Variants in SIGLEC5 observed in about 807,000 individuals in gnomAD.
The protein encoded by SIGLEC5 is sialic acid binding Ig like lectin 5, also known as sialic acid-binding Ig-like lectin 5.
In SIGLEC5, 34 loss-of-function variants were observed where a neutral mutation model predicts 45.9. The ratio of observed to expected loss-of-function variants is 0.74; its 90% CI spans 0.56 to 0.99. SIGLEC5 has a LOEUF of 0.99. Ranked by LOEUF, SIGLEC5 falls within the 50% of genes least tolerant of loss-of-function variation. SIGLEC5 has a pLI of 0.00. For synonymous variants in SIGLEC5, 203 were observed against 258.6 expected, an observed-to-expected ratio of 0.79 and a Z score of 2.06; for missense variants, 508 against 629.6, an observed-to-expected ratio of 0.81 and a Z score of 2.07.
intron 8 of SIGLEC5, among the ~76,000 whole-genome samples, chr19:51,616,292 A>G (rs1352037059): frequency 6.6e-6 from 1 of 152,262 alleles, no homozygotes; most frequent in Non-Finnish European, 1.5e-5. Context: ...TAAACTGAGC[A>G]TATTACATGC....
chr19:51,620,113 G>A (rs182611332), intron 8 of SIGLEC5, among the ~76,000 whole-genome samples: 158 of 151,578 alleles, frequency 1.0e-3, no homozygotes, highest in Non-Finnish European at 1.9e-3. Flanking sequence ...AATAAAGCTC[G>A]CTGAAGAATA....
intron 8 of SIGLEC5, among the ~76,000 whole-genome samples, chr19:51,616,929 A>AAC (rs1201541085): frequency 1.3e-5 from 2 of 148,228 alleles, no homozygotes; most frequent in Non-Finnish European, 3.0e-5. Context: ...CAAAAAAAAA[A>AAC]AACACTTGAA....
chr19:51,612,953 C>A (rs368088867), intron 8 of SIGLEC5, among the ~76,000 whole-genome samples: 1 of 152,158 alleles, frequency 6.6e-6, no homozygotes, highest in African/African-American at 2.4e-5. Flanking sequence ...CCTTTCCATT[C>A]GCCCTTCCAG....
At chr19:51,626,145 G>A in intron 7 of SIGLEC5, 32 bp from the exon 8 acceptor site, 1 of 1,575,560 alleles carries the variant, frequency 6.3e-7, no homozygotes, top group Non-Finnish European at 8.7e-7. Context: ...GTGCAGCTGG[G>A]ACCACCCAGG....
intron 8 of SIGLEC5, among the ~76,000 whole-genome samples, chr19:51,618,430 G>A (rs1983145578): frequency 8.9e-6 from 1 of 111,862 alleles, no homozygotes; most frequent in African/African-American, 3.2e-5. Flanking sequence ...GCATGAGTGA[G>A]TGAGACCCTG....
At position 51,627,879 on chromosome 19, in the gene SIGLEC5, G is replaced by A; in HGVS notation, c.952C>T (p.His318Tyr). Residue 318 changes from histidine (H) to tyrosine (Y), a missense_variant, in exon 5 of 9, where the codon CAC becomes TAC. Physicochemically the swap from His to Tyr is moderately conservative, Grantham distance 83. Around this residue, in one of 2 missense-constraint regions of SIGLEC5, gnomAD observed 431 missense variants for 428.8 expected, o/e 1.01. Transcript: ENST00000683636. ...EEGGFTCRAQ[H>Y]PLGFLQIFLN... ...AAAATTTGCAGGAAGCCCAGCGGGT[G>A]CTGAGCGCGGCAGGTGAAGCCTCCT... 2 of 1,612,558 alleles carry A rather than the reference G, an allele frequency of 1.2e-6. No individual in the cohort carries two copies. Among genetic ancestry groups the A allele is most frequent in the Non-Finnish European group, 1.7e-6 (2 of 1,179,318 alleles).
chr19:51,612,317 T>C lies in SIGLEC5; in HGVS notation c.1570A>G (p.Ser524Gly), dbSNP rs1982883302. 1.9e-6 allele frequency: 3 copies of C among 1,613,320 alleles called. No homozygotes were observed. The highest frequency in any genetic ancestry group is 2.5e-6 in the Non-Finnish European group (3 of 1,179,786). ...EQKELHYASL[S>G]FSEMKSREPK... The stretch of plus-strand genomic sequence containing the variant: ...TCCCTCGACTTCATCTCAGAAAAAC[T>C]AAGGGAGGCATAATGGAGCTCCTTT... Residue 524 changes from serine to glycine, a missense_variant, in exon 9 of 9, where the codon AGT becomes GGT. Coordinates refer to ENST00000683636, the MANE Select transcript of SIGLEC5 (RefSeq NM_003830.4).
At chr19:51,629,189 TG>T in intron 3 of SIGLEC5, 113 bp from the exon 4 acceptor site, 14 of 1,519,972 alleles carry the variant, frequency 9.2e-6, no homozygotes, top group Non-Finnish European at 1.3e-5. Flanking sequence ...AAGGCTGTCC[TG>T]TCTCACTCCC....
At chr19:51,618,717 A>C (rs906766363) in intron 8 of SIGLEC5, among the ~76,000 whole-genome samples, 14 of 132,814 alleles carry the variant, frequency 1.1e-4, no homozygotes, top group African/African-American at 3.4e-4. Flanking sequence ...GCTTGAACCC[A>C]GGAGGTGGAA....
chr19:51,618,261 A>G (rs1264110325), intron 8 of SIGLEC5, among the ~76,000 whole-genome samples: 1 of 152,012 alleles, frequency 6.6e-6, no homozygotes, highest in African/African-American at 2.4e-5. Context: ...TGGATTTTTT[A>G]AAACCTGGTT....
At chr19:51,625,363 A>G (rs1449806686) in intron 8 of SIGLEC5, among the ~76,000 whole-genome samples, 1 of 152,214 alleles carries the variant, frequency 6.6e-6, no homozygotes, top group Non-Finnish European at 1.5e-5. Context: ...GGAACAAACA[A>G]CAACAACATT....
intron 8 of SIGLEC5, among the ~76,000 whole-genome samples, chr19:51,615,902 G>A (rs35149098): frequency 0.051 from 7,828 of 152,194 alleles, 784 homozygotes; most frequent in East Asian, 0.48. Flanking sequence ...TCAGCCTCCC[G>A]AGTAGCTGGG....
In SIGLEC5 at chr19:51,627,536, C is replaced by A. The variant is rs757857236; in HGVS notation, c.1208G>T (p.Ser403Ile). The A allele has an allele frequency of 6.8e-6, 11 of 1,614,088 alleles. No individual in the cohort carries two copies. Among genetic ancestry groups the A allele is most frequent in the Non-Finnish European group, 9.3e-6 (11 of 1,180,016 alleles). The change falls in exon 6 of 9, where the codon AGC (serine) becomes ATC (isoleucine). Residue 403 changes from serine to isoleucine, a missense_variant. By Grantham distance (142) the Ser-to-Ile change is moderately radical. Transcript: ENST00000683636. ...NSSLILHGGL[S>I]SDLKVSCKAW... ...CTTGCAGCTGACTTTGAGGTCGGAGCTGAGCCCCCCGTGGAGGATCAGGGA... is the reference window on the plus strand; with the variant it reads ...CTTGCAGCTGACTTTGAGGTCGGAGATGAGCCCCCCGTGGAGGATCAGGGA...
rs780071296 is a variant in SIGLEC5, at chr19:51,627,761, G to A, written c.998-15C>T. On this transcript the variant is annotated splice_polypyrimidine_tract_variant and intron_variant, in intron 5 of 8. Coordinates refer to ENST00000683636, the MANE Select transcript of SIGLEC5 (RefSeq NM_003830.4). ...CTGTGGGAGGGCTGTGGGGAGGGAG[G>A]ACAGAACTCAGCAGGGGGCCTCTTC... 7 of 1,573,536 alleles carry A rather than the reference G, an allele frequency of 4.4e-6. No homozygotes were observed. In the African/African-American group the frequency reaches 5.4e-5, roughly 12 times the overall value.
At chr19:51,618,594 C>G (rs1297954122) in intron 8 of SIGLEC5, among the ~76,000 whole-genome samples, 1 of 151,520 alleles carries the variant, frequency 6.6e-6, no homozygotes, top group Non-Finnish European at 1.5e-5. Flanking sequence ...GAGTTCAAGA[C>G]CAGCCCGGTC....
At position 51,627,964 on chromosome 19, in the gene SIGLEC5, G is replaced by A. The variant is rs376870702; in HGVS notation, c.867C>T (p.Asn289=). The A allele has an allele frequency of 3.7e-5, 60 of 1,613,992 alleles. No homozygotes were observed. In the African/African-American group the frequency reaches 6.3e-4, roughly 17 times the overall value. Residue 289 remains asparagine (N), a synonymous_variant, in exon 5 of 9, where the codon AAC becomes AAT. Coordinates refer to ENST00000683636, the MANE Select transcript of SIGLEC5 (RefSeq NM_003830.4). The part of the protein sequence containing the change: ...LSWFQGSPAL[N]ATPISNTGIL... ...TCCCGGTATTGGAGATGGGGGTGGCGTTCAGGGCAGGGGAGCCCTGGAACC... is the reference window on the plus strand; with the variant it reads ...TCCCGGTATTGGAGATGGGGGTGGCATTCAGGGCAGGGGAGCCCTGGAACC...
In SIGLEC5 at chr19:51,626,387, G is replaced by C. The variant is rs117456649; in HGVS notation, c.1383-274C>G. 3.8e-4 allele frequency among the ~76,000 whole-genome samples: 58 copies of C among 152,240 alleles called. No individual in the cohort carries two copies. The East Asian group carries it at 0.011, about 28-fold the overall frequency. ...GGTCATAGCAGTGTTATGCATCATA[G>C]CCAAGAAGCAGAGGCAACCCAAGTA... is the stretch of plus-strand genomic sequence containing the variant. On this transcript the variant is annotated intron_variant, in intron 7 of 8. Coordinates refer to ENST00000683636, the MANE Select transcript of SIGLEC5 (RefSeq NM_003830.4).
chr19:51,626,166 C>A, intron 7 of SIGLEC5, 53 bp from the exon 8 acceptor site: 5 of 1,432,284 alleles, frequency 3.5e-6, no homozygotes, highest in Non-Finnish European at 3.9e-6. Flanking sequence ...CACGGGTTAG[C>A]GGGTTGTCCC....
intron 7 of SIGLEC5, 77 bp from the exon 8 acceptor site, chr19:51,626,190 A>G: frequency 8.5e-7 from 1 of 1,176,688 alleles, no homozygotes; most frequent in Non-Finnish European, 1.3e-6. Flanking sequence ...CCATGCTAAG[A>G]TGGTGAAAAT....
Sources: gnomAD v4.1 joint callset for allele counts (sites outside exome capture counted in the v4.1 genomes callset) on GRCh38, gnomAD v4.1.1 for gene constraint, gnomAD v4.1.1 regional missense constraint, MANE v1.5 for transcripts, NCBI Gene and HGNC (gene_info 2026-07-23, HGNC 2026-07-21) for gene names.